ARHGAP42: variants seen among roughly 807,000 people sequenced by gnomAD.
ARHGAP42 encodes the protein rho GTPase-activating protein 42.
ARHGAP42 carries 63 observed loss-of-function variants against 125.0 expected under a neutral mutation model. The ratio of observed to expected loss-of-function variants is 0.50; its 90% CI spans 0.41 to 0.62. The LOEUF (loss-of-function observed/expected upper bound fraction) is 0.62, where lower values mean the gene tolerates loss of function less well. ARHGAP42 is among the 20% of genes least tolerant of loss of function. The pLI is 0.00. For synonymous variants in ARHGAP42, 339 were observed against 351.0 expected (o/e 0.97, Z 0.38); for missense variants, 766 against 1,024.2 (o/e 0.75, Z 3.44).
At chr11:100,777,196 G>A (rs554638845) in intron 2 of ARHGAP42, among the ~76,000 whole-genome samples, 1 of 152,292 alleles carries the variant, frequency 6.6e-6, no homozygotes, top group East Asian at 1.9e-4. Context: ...GGTATAGCAG[G>A]TTAAAATAGT....
Position 100,884,262 on chromosome 11 carries a change from C to T in ARHGAP42, c.384+24637C>T, listed in dbSNP as rs115081000. Among the ~76,000 whole-genome samples, 1,097 of 152,240 alleles carry T rather than the reference C, an allele frequency of 7.2e-3. 11 individuals carry two copies. Among genetic ancestry groups the T allele is most frequent in the African/African-American group, 0.024 (991 of 41,554 alleles). On this transcript the variant is annotated intron_variant, in intron 4 of 23. Transcript: ENST00000298815. ...TCAGCAAAATGGGTAGCAACCACAG[C>T]AATTTAAAAATAAAACTATTTTAAA...
At chr11:100,688,573 C>T (rs1353313288) in intron 1 of ARHGAP42, among the ~76,000 whole-genome samples, 3 of 152,166 alleles carry the variant, frequency 2.0e-5, no homozygotes, top group Non-Finnish European at 4.4e-5. Flanking sequence ...TCAAATTTTC[C>T]TTCCTCCTTT....
At chr11:100,758,226 G>A (rs1384162046) in intron 1 of ARHGAP42, among the ~76,000 whole-genome samples, 2 of 152,164 alleles carry the variant, frequency 1.3e-5, no homozygotes, top group Admixed American at 1.3e-4. Flanking sequence ...TTGTGTGAAT[G>A]TGTTAACTTG....
intron 1 of ARHGAP42, among the ~76,000 whole-genome samples, chr11:100,756,457 T>C (rs1420261880): frequency 6.6e-6 from 1 of 152,086 alleles, no homozygotes; most frequent in East Asian, 1.9e-4. Context: ...CTGTAGTAAA[T>C]AAAAATGACA....
intron 8 of ARHGAP42, among the ~76,000 whole-genome samples, chr11:100,941,096 T>A (rs1867873040): frequency 6.6e-6 from 1 of 152,106 alleles, no homozygotes; most frequent in Non-Finnish European, 1.5e-5. Context: ...GAGGTAACAG[T>A]GCAAGTCATG....
chr11:100,869,082 G>C (rs1221430047), intron 4 of ARHGAP42, among the ~76,000 whole-genome samples: 1 of 151,750 alleles, frequency 6.6e-6, no homozygotes, highest in African/African-American at 2.4e-5. Context: ...AAATCAGCAC[G>C]GAGACAACAA....
Position 100,779,945 on chromosome 11 carries a change from G to T in ARHGAP42, c.250+9507G>T, listed in dbSNP as rs373690534. 6.7e-4 allele frequency among the ~76,000 whole-genome samples: 101 copies of T among 151,838 alleles called. 3 individuals are homozygous for T. In the South Asian group the frequency reaches 0.019, roughly 29 times the overall value. ...GGAGGCTGAGGCGGGAGAATTGCTT[G>T]AACCTGGGAGTCAGAGGTTGCAGTG... is the stretch of plus-strand genomic sequence containing the variant. On this transcript the variant is annotated intron_variant, in intron 2 of 23. Transcript: ENST00000298815.
chr11:100,888,288 G>A (rs1417418165), intron 4 of ARHGAP42, among the ~76,000 whole-genome samples: 1 of 151,776 alleles, frequency 6.6e-6, no homozygotes, highest in African/African-American at 2.4e-5. Flanking sequence ...CCCAGGCCCT[G>A]TAAAAACTTC....
chr11:100,825,515 C>A (rs1464254108), intron 3 of ARHGAP42, among the ~76,000 whole-genome samples: 1 of 152,132 alleles, frequency 6.6e-6, no homozygotes. Flanking sequence ...AGCACTTTTA[C>A]CATTCATTTA....
At chr11:100,872,675 T>A (rs1254024146) in intron 4 of ARHGAP42, among the ~76,000 whole-genome samples, 2 of 152,000 alleles carry the variant, frequency 1.3e-5, no homozygotes, top group Non-Finnish European at 2.9e-5. Context: ...TTAATGAGAT[T>A]TTTTTTAGCA....
intron 3 of ARHGAP42, among the ~76,000 whole-genome samples, chr11:100,841,832 C>G (rs1037985289): frequency 2.0e-5 from 3 of 152,148 alleles, no homozygotes; most frequent in African/African-American, 7.2e-5. Context: ...CTTTGCCTAT[C>G]CAGTTTAATT....
chr11:100,889,101 C>T (rs538834356), intron 4 of ARHGAP42, among the ~76,000 whole-genome samples: 2 of 152,262 alleles, frequency 1.3e-5, no homozygotes, highest in East Asian at 1.9e-4. Flanking sequence ...GCACACTCAG[C>T]GTGTCGACAA....
intron 1 of ARHGAP42, among the ~76,000 whole-genome samples, chr11:100,702,794 C>T (rs1022328723): frequency 4.6e-5 from 7 of 151,888 alleles, no homozygotes; most frequent in African/African-American, 1.7e-4. Flanking sequence ...GCCTCAGCCT[C>T]CCGAGTAGCT....
chr11:100,973,801 A>G (rs1315878236), intron 18 of ARHGAP42, among the ~76,000 whole-genome samples: 1 of 152,190 alleles, frequency 6.6e-6, no homozygotes, highest in Non-Finnish European at 1.5e-5. Flanking sequence ...GAAATTTTGA[A>G]AGCTGAATTA....
chr11:100,990,360 T>C lies in ARHGAP42; in HGVS notation c.*1559T>C, dbSNP rs1262809200. ...CTCTTCTACTTTAAATTAATGTTTC[T>C]AGAATTAATAGGTTAAATACACATA... is the stretch of plus-strand genomic sequence containing the variant. On this transcript the variant is annotated 3_prime_UTR_variant, in exon 24 of 24. Coordinates refer to ENST00000298815, the MANE Select transcript of ARHGAP42 (RefSeq NM_152432.4). 1 of 152,100 alleles carries C rather than the reference T, an allele frequency of 6.6e-6. No homozygotes were observed. The highest frequency in any genetic ancestry group is 2.4e-5 in the African/African-American group (1 of 41,418). The allele number at this position is 152,100 out of a possible 1,614,324, so 9.4% of individuals were successfully genotyped here.
chr11:100,916,290 A>C (rs745726924), intron 5 of ARHGAP42, among the ~76,000 whole-genome samples: 16 of 152,350 alleles, frequency 1.1e-4, no homozygotes, highest in Non-Finnish European at 2.1e-4. Context: ...ACCTGAATGC[A>C]TAAAAATAAG....
intron 9 of ARHGAP42, 87 bp downstream of exon 9, chr11:100,941,971 C>G: frequency 3.0e-6 from 3 of 1,001,742 alleles, no homozygotes; most frequent in Non-Finnish European, 4.4e-6. Context: ...ATTTGTTTCT[C>G]TAGTTAACAT....
At chr11:100,831,677 A>G (rs920853529) in intron 3 of ARHGAP42, among the ~76,000 whole-genome samples, 5 of 152,184 alleles carry the variant, frequency 3.3e-5, no homozygotes, top group African/African-American at 1.2e-4. Context: ...TGCCTCTGCC[A>G]GGGCATGGTG....
At chr11:100,937,967 A>G (rs1867778883) in intron 8 of ARHGAP42, among the ~76,000 whole-genome samples, 1 of 151,766 alleles carries the variant, frequency 6.6e-6, no homozygotes, top group African/African-American at 2.4e-5. Flanking sequence ...TTACCTGATG[A>G]TGGTATCTTT....
Sources: allele counts gnomAD v4.1 joint callset (sites outside exome capture counted in the v4.1 genomes callset), GRCh38; gene constraint gnomAD v4.1.1; transcripts MANE v1.5; gene names NCBI Gene and HGNC (gene_info 2026-07-23, HGNC 2026-07-21).